Variants in MBP observed in about 807,000 individuals in gnomAD.
The protein encoded by MBP is myelin basic protein, also known as Golli-MBP.
MBP carries 16 observed loss-of-function variants against 35.8 expected under a neutral mutation model. That is an observed-to-expected ratio of 0.45 (90% CI 0.30 to 0.68). The LOEUF (loss-of-function observed/expected upper bound fraction) is 0.68. Among genes scored for constraint, MBP ranks in the 30% least tolerant of loss-of-function variants. The pLI, the probability that MBP is intolerant of heterozygous loss-of-function variation, is 0.08. For missense variants in MBP, 380 were observed against 404.7 expected (o/e 0.94, Z 0.52); for synonymous variants, 143 against 159.6 (o/e 0.90, Z 0.78).
At chr18:77,084,419 CGCCA>C (rs771044411) in intron 2 of MBP, among the ~76,000 whole-genome samples, 3,913 of 41,482 alleles carry the variant, frequency 0.094, 174 homozygotes, top group Admixed American at 0.14. Flanking sequence ...CCGCCCCCCC[CGCCA>C]CACCACACCA....
chr18:77,043,100 A>G (rs1973083115), intron 3 of MBP, among the ~76,000 whole-genome samples: 1 of 152,234 alleles, frequency 6.6e-6, no homozygotes, highest in Non-Finnish European at 1.5e-5. Flanking sequence ...ATGATCACAG[A>G]ATCAGATATT....
chr18:77,053,465 C>T (rs1243361733), intron 3 of MBP, among the ~76,000 whole-genome samples: 3 of 152,248 alleles, frequency 2.0e-5, no homozygotes, highest in African/African-American at 4.8e-5. Context: ...AAGCATCTCT[C>T]GAGTTCCAGG....
At chr18:77,120,326 G>A (rs756734593) in intron 1 of MBP, among the ~76,000 whole-genome samples, 6 of 152,206 alleles carry the variant, frequency 3.9e-5, no homozygotes, top group African/African-American at 7.2e-5. Flanking sequence ...CCTCAGACGC[G>A]CTGCACACAC....
chr18:77,053,238 C>T (rs1363373899), intron 3 of MBP, among the ~76,000 whole-genome samples: 1 of 152,178 alleles, frequency 6.6e-6, no homozygotes, highest in Non-Finnish European at 1.5e-5. Flanking sequence ...CTTCCCTGCA[C>T]CTGTCCTCAT....
intron 2 of MBP, among the ~76,000 whole-genome samples, chr18:77,081,391 A>C (rs1307614456): frequency 6.6e-6 from 1 of 152,246 alleles, no homozygotes; most frequent in African/African-American, 2.4e-5. Flanking sequence ...AAGATGGGGA[A>C]AAAATTTGAA....
chr18:77,039,155 T>C (rs1007213547), intron 3 of MBP, among the ~76,000 whole-genome samples: 3 of 152,244 alleles, frequency 2.0e-5, no homozygotes, highest in African/African-American at 4.8e-5. Context: ...TGTGCACTGA[T>C]GGCAGGTGCA....
chr18:77,064,579 A>T (rs1445612870), intron 3 of MBP, among the ~76,000 whole-genome samples: 2 of 152,232 alleles, frequency 1.3e-5, no homozygotes, highest in Non-Finnish European at 2.9e-5. Flanking sequence ...GGTAGCACTA[A>T]ATCTGTTTTA....
chr18:77,016,793 TCCA>T, intron 4 of MBP, 36 bp downstream of exon 4: 1 of 1,604,678 alleles, frequency 6.2e-7, no homozygotes, highest in Admixed American at 1.7e-5. Context: ...CTTTGCTTTT[TCCA>T]TTTAAACTAA....
At chr18:77,059,081 G>A (rs965916341) in intron 3 of MBP, among the ~76,000 whole-genome samples, 2 of 152,096 alleles carry the variant, frequency 1.3e-5, no homozygotes, top group African/African-American at 4.8e-5. Flanking sequence ...TAATTTAGCC[G>A]TCTCACTTAC....
Position 77,132,742 on chromosome 18 carries a change from G to C in MBP, c.-188C>G, listed in dbSNP as rs10454722. Reference sequence around the variant, plus strand: ...CGGGGTCGGGAGACAGGGGCCGCCGGGGCCGGAGGCTGCTTCTCTCTGGCG... The same window carrying C: ...CGGGGTCGGGAGACAGGGGCCGCCGCGGCCGGAGGCTGCTTCTCTCTGGCG... On this transcript the variant is annotated 5_prime_UTR_variant, in exon 1 of 9. Coordinates refer to ENST00000355994, the MANE Select transcript of MBP (RefSeq NM_001025101.2). 0.16 allele frequency: 24,542 copies of C among 152,064 alleles called. 2,139 individuals carry two copies. Among genetic ancestry groups the C allele is most frequent in the East Asian group, 0.22 (1,130 of 5,134 alleles). 9.4% of individuals were successfully genotyped at this position (152,064 alleles called of 1,614,324 possible). A position where few individuals can be genotyped will look rare whatever the true frequency, so the allele number is the denominator to read the frequency against.
chr18:77,118,646 CCACACA>C (rs71174610), intron 1 of MBP, among the ~76,000 whole-genome samples: 7 of 135,256 alleles, frequency 5.2e-5, no homozygotes, highest in African/African-American at 1.8e-4. Context: ...ACACTACACA[CCACACA>C]CACACACACA....
chr18:77,090,140 G>A (rs1029424230), intron 2 of MBP, among the ~76,000 whole-genome samples: 3 of 152,194 alleles, frequency 2.0e-5, no homozygotes, highest in South Asian at 2.1e-4. Flanking sequence ...AGCCTTAAAC[G>A]AAGGTGTAAA....
In MBP at chr18:77,028,659, C is replaced by T. The variant is rs1428462752; in HGVS notation, c.140-11391G>A. On this transcript the variant is annotated intron_variant, in intron 3 of 8. Transcript: ENST00000355994. Reference sequence around the variant, plus strand: ...CCTCCCTCCCGGACGGGGCAGCTGGCTGGGCAGAGGGGCTCCTCACTTCCC... The same window carrying T: ...CCTCCCTCCCGGACGGGGCAGCTGGTTGGGCAGAGGGGCTCCTCACTTCCC... 3.8e-5 allele frequency among the ~76,000 whole-genome samples: 3 copies of T among 79,274 alleles called. 1 individual carries two copies. The highest frequency in any genetic ancestry group is 3.7e-4 in the Admixed American group (3 of 8,038). The allele number at this position is 79,274 out of a possible 152,430, so 52.0% of individuals were successfully genotyped here.
intron 3 of MBP, among the ~76,000 whole-genome samples, chr18:77,065,428 C>T (rs946914156): frequency 2.0e-5 from 3 of 152,158 alleles, no homozygotes; most frequent in East Asian, 3.9e-4. Flanking sequence ...AAAGGCCCCA[C>T]GTCCAATTAA....
At position 76,988,221 on chromosome 18, in the gene MBP, C is replaced by T. The variant is rs1156982920; in HGVS notation, c.750+274G>A. ...CCCTCCCTGGGAGGGAGACCAGTCA[C>T]GTCGCCTGGGAACCCTCTGGGAGAA... On this transcript the variant is annotated intron_variant, in intron 7 of 8. Coordinates refer to ENST00000355994, the MANE Select transcript of MBP (RefSeq NM_001025101.2). This position sits in a 1 kb window ranked among gnomAD's most constrained non-coding sequence, Gnocchi z 5.2. 1.1e-5 allele frequency: 17 copies of T among 1,548,940 alleles called. 1 individual carries two copies. The East Asian group carries it at 2.0e-4, about 18-fold the overall frequency.
intron 1 of MBP, among the ~76,000 whole-genome samples, chr18:77,125,329 G>C (rs769734806): frequency 6.6e-6 from 1 of 151,782 alleles, no homozygotes; most frequent in South Asian, 2.1e-4. Context: ...TAATTAGTTC[G>C]AACATATTAA....
At chr18:77,017,804 C>T (rs1034610842) in intron 3 of MBP, 1 of 152,356 alleles carries the variant, frequency 6.6e-6, no homozygotes, top group South Asian at 2.1e-4. Flanking sequence ...CCACAAGAGG[C>T]CTCTCACAAT....
intron 4 of MBP, chr18:77,009,972 G>T (rs200533859): frequency 7.5e-7 from 1 of 1,335,232 alleles, no homozygotes; most frequent in Non-Finnish European, 1.1e-6. Context: ...GGTGGGCGCC[G>T]CCGGCAATGC....
At chr18:76,986,598 A>G (rs887623750) in intron 7 of MBP, 17 of 985,452 alleles carry the variant, frequency 1.7e-5, no homozygotes, top group Non-Finnish European at 1.9e-5. Context: ...GAGGGACGGG[A>G]TGTGTGGCAA....
Sources: allele counts gnomAD v4.1 joint callset (sites outside exome capture counted in the v4.1 genomes callset), GRCh38; gene constraint gnomAD v4.1.1; non-coding constraint Gnocchi (gnomAD v3.1); transcripts MANE v1.5; gene names NCBI Gene and HGNC (gene_info 2026-07-23, HGNC 2026-07-21).